BMP6: variants seen among roughly 807,000 people sequenced by gnomAD.
The protein encoded by BMP6 is bone morphogenetic protein 6.
Under a neutral mutation model 54.1 loss-of-function variants are expected in BMP6, and 17 were observed. That is an observed-to-expected ratio of 0.31 (90% CI 0.22 to 0.47). The LOEUF (loss-of-function observed/expected upper bound fraction) is 0.47. Among genes scored for constraint, BMP6 ranks in the 20% least tolerant of loss-of-function variants. The probability of loss-of-function intolerance (pLI) is 1.00; values close to 1 mark genes in which losing one functional copy is unlikely to be tolerated. For missense variants in BMP6, 720 were observed against 690.4 expected (o/e 1.04, Z -0.48); for synonymous variants, 328 against 291.2 (o/e 1.13, Z -1.28).
At chr6:7,876,854 C>T (rs1581294982) in intron 4 of BMP6, among the ~76,000 whole-genome samples, 1 of 151,418 alleles carries the variant, frequency 6.6e-6, no homozygotes, top group African/African-American at 2.4e-5. Flanking sequence ...TCCTTCTTTT[C>T]TTCCTTCCAT....
intron 4 of BMP6, among the ~76,000 whole-genome samples, chr6:7,877,642 TAATGA>T (rs1432297980): frequency 1.3e-5 from 2 of 151,950 alleles, no homozygotes; most frequent in African/African-American, 4.8e-5. Context: ...AAAAAAAAAT[TAATGA>T]AATCTGCACG....
chr6:7,879,035 C>T (rs748615416), intron 4 of BMP6, 39 bp from the exon 5 acceptor site: 2 of 1,569,834 alleles, frequency 1.3e-6, no homozygotes, highest in South Asian at 2.2e-5. Flanking sequence ...TTGATGGGTG[C>T]ATCTTTTGAT....
At position 7,880,649 on chromosome 6, in the gene BMP6, T is replaced by C. The variant is rs977725425; in HGVS notation, c.*306T>C. On this transcript the variant is annotated 3_prime_UTR_variant, in exon 7 of 7. Coordinates refer to ENST00000283147, the MANE Select transcript of BMP6 (RefSeq NM_001718.6). ...TCCTCCCCCAAAAACCCACCAAAAT[T>C]AGTTTTAGCTGTAGATCAAGCTATT... 1 of 394,676 alleles carries C rather than the reference T, an allele frequency of 2.5e-6. No individual in the cohort carries two copies. Among genetic ancestry groups the C allele is most frequent in the Non-Finnish European group, 4.6e-6 (1 of 215,624 alleles). 24.4% of individuals were successfully genotyped at this position (394,676 alleles called of 1,614,324 possible). A position where few individuals can be genotyped will look rare whatever the true frequency, so the allele number is the denominator to read the frequency against.
rs766068302 is a variant in BMP6, at chr6:7,793,098, C to T, written c.665-52042C>T. ...ATATACAGTTAATGCCAGGAAAACT[C>T]AGTCGATTAAGAGTTTTTTTCAGGT... On this transcript the variant is annotated intron_variant, in intron 1 of 6. Transcript: ENST00000283147. Among the ~76,000 whole-genome samples, 4 of 151,044 alleles carry T rather than the reference C, an allele frequency of 2.6e-5. No homozygotes were observed. The South Asian group carries it at 8.3e-4, about 31-fold the overall frequency.
At chr6:7,789,057 C>G (rs1028828663) in intron 1 of BMP6, among the ~76,000 whole-genome samples, 3 of 152,150 alleles carry the variant, frequency 2.0e-5, no homozygotes, top group African/African-American at 7.2e-5. Flanking sequence ...CCTATGTATA[C>G]ATTGTAAGAT....
At chr6:7,851,852 A>G (rs1409643920) in intron 2 of BMP6, among the ~76,000 whole-genome samples, 1 of 152,088 alleles carries the variant, frequency 6.6e-6, no homozygotes, top group Non-Finnish European at 1.5e-5. Context: ...TTATAATGTT[A>G]TGTGTCTGCC....
intron 1 of BMP6, among the ~76,000 whole-genome samples, chr6:7,821,489 G>A (rs532285970): frequency 5.3e-5 from 8 of 152,212 alleles, no homozygotes; most frequent in South Asian, 2.1e-4. Flanking sequence ...GGGCAGCATC[G>A]TGAAACCCCA....
chr6:7,790,538 A>G lies in BMP6; in HGVS notation c.665-54602A>G, dbSNP rs1475168630. 2.7e-5 allele frequency among the ~76,000 whole-genome samples: 4 copies of G among 145,704 alleles called. No individual in the cohort carries two copies. In the East Asian group the frequency reaches 6.0e-4, roughly 22 times the overall value. On this transcript the variant is annotated intron_variant, in intron 1 of 6. Transcript: ENST00000283147. Reference sequence around the variant, plus strand: ...TCAAAAAAAAAAAAAAAAAAAAAAAAAAAAAAAAGACACACACATATACAG... The same window carrying G: ...TCAAAAAAAAAAAAAAAAAAAAAAAGAAAAAAAAGACACACACATATACAG...
intron 1 of BMP6, among the ~76,000 whole-genome samples, chr6:7,790,146 A>G (rs748358964): frequency 2.6e-5 from 4 of 152,044 alleles, no homozygotes; most frequent in Admixed American, 2.0e-4. Flanking sequence ...GCTCCTTTCC[A>G]GAAACCACTT....
intron 4 of BMP6, among the ~76,000 whole-genome samples, chr6:7,864,028 G>C (rs1224355200): frequency 1.4e-5 from 2 of 144,220 alleles, no homozygotes; most frequent in African/African-American, 5.2e-5. Context: ...AAAAAAAAAA[G>C]TTCTCCCCAG....
intron 1 of BMP6, among the ~76,000 whole-genome samples, chr6:7,823,298 T>C (rs1280080106): frequency 6.6e-6 from 1 of 152,192 alleles, no homozygotes; most frequent in Non-Finnish European, 1.5e-5. Context: ...TGCTTGCACG[T>C]ATATTACTTC....
chr6:7,743,129 C>T (rs1757293885), intron 1 of BMP6, among the ~76,000 whole-genome samples: 1 of 152,176 alleles, frequency 6.6e-6, no homozygotes, highest in Admixed American at 6.5e-5. Context: ...TCAGATGCAT[C>T]TGTCCTATCA....
chr6:7,740,491 T>G (rs1204077718), intron 1 of BMP6, among the ~76,000 whole-genome samples: 2 of 152,218 alleles, frequency 1.3e-5, no homozygotes, highest in African/African-American at 4.8e-5. Flanking sequence ...GCCTCAACTT[T>G]TAATCATTAG....
intron 1 of BMP6, among the ~76,000 whole-genome samples, chr6:7,792,936 A>G (rs4371882): frequency 0.21 from 31,704 of 152,202 alleles, 3,710 homozygotes; most frequent in African/African-American, 0.31. Context: ...AGATGCTCAA[A>G]TATAGTTACG....
intron 1 of BMP6, among the ~76,000 whole-genome samples, chr6:7,823,679 G>A (rs1479417895): frequency 1.3e-5 from 2 of 152,178 alleles, no homozygotes; most frequent in Non-Finnish European, 2.9e-5. Flanking sequence ...TGTGACAAGG[G>A]GAGAGAGAAA....
chr6:7,818,241 T>G (rs1309251849), intron 1 of BMP6, among the ~76,000 whole-genome samples: 1 of 152,182 alleles, frequency 6.6e-6, no homozygotes, highest in African/African-American at 2.4e-5. Context: ...AAACATGTCT[T>G]TTTTTAATGT....
intron 1 of BMP6, among the ~76,000 whole-genome samples, chr6:7,761,169 T>G (rs1356830638): frequency 1.3e-5 from 2 of 152,258 alleles, no homozygotes; most frequent in Non-Finnish European, 2.9e-5. Flanking sequence ...TTTGGATTAC[T>G]TATACACACA....
At chr6:7,824,042 C>T (rs902308184) in intron 1 of BMP6, among the ~76,000 whole-genome samples, 2 of 152,118 alleles carry the variant, frequency 1.3e-5, no homozygotes, top group African/African-American at 2.4e-5. Context: ...TGTTAGGTGG[C>T]TGTTGCAGTG....
At chr6:7,747,296 A>G (rs1757362035) in intron 1 of BMP6, among the ~76,000 whole-genome samples, 1 of 152,244 alleles carries the variant, frequency 6.6e-6, no homozygotes, top group African/African-American at 2.4e-5. Flanking sequence ...TGGCCTTAAA[A>G]TAGGGAGATT....
Sources: gnomAD v4.1 joint callset for allele counts (sites outside exome capture counted in the v4.1 genomes callset) on GRCh38, gnomAD v4.1.1 for gene constraint, MANE v1.5 for transcripts, NCBI Gene and HGNC (gene_info 2026-07-23, HGNC 2026-07-21) for gene names.